MYH4: variants seen among roughly 807,000 people sequenced by gnomAD.
MYH4 encodes the protein myosin-4.
MYH4 carries 200 observed loss-of-function variants against 229.9 expected under a neutral mutation model. The observed-to-expected ratio is 0.87, with a 90% CI of 0.78 to 0.98. The LOEUF is 0.98. MYH4 is among the 50% of genes least tolerant of loss of function. The pLI is 0.00. For missense variants in MYH4, 2,148 were observed against 2,332.6 expected (o/e 0.92, Z 1.63); for synonymous variants, 761 against 834.6 (o/e 0.91, Z 1.52).
rs758574408 is a variant in MYH4, at chr17:10,462,918, C to T, written c.955G>A (p.Gly319Arg). 5.0e-6 allele frequency: 8 copies of T among 1,614,004 alleles called. No individual in the cohort carries two copies. The South Asian group carries it at 7.7e-5, about 16-fold the overall frequency. The change falls in exon 11 of 40, where the codon GGG becomes AGG. Residue 319 changes from glycine to arginine, a missense_variant. Physicochemically the swap from Gly to Arg is moderately radical, Grantham distance 125. Coordinates refer to ENST00000255381, the MANE Select transcript of MYH4 (RefSeq NM_017533.2). ...TCAATGCTGGGCACAGTAATTTCCCCTTGGCTGACAAATGCGAAGTCATAT... is the reference window on the plus strand; with the variant it reads ...TCAATGCTGGGCACAGTAATTTCCCTTTGGCTGACAAATGCGAAGTCATAT... ...NPYDFAFVSQGEITVPSIDDQ... is the reference protein window; with the variant it reads ...NPYDFAFVSQREITVPSIDDQ...
At chr17:10,456,826 C>T (rs1430306665) in intron 16 of MYH4, among the ~76,000 whole-genome samples, 4 of 152,110 alleles carry the variant, frequency 2.6e-5, no homozygotes, top group African/African-American at 9.7e-5. Flanking sequence ...CTCCCCTACT[C>T]CAAGTCAGCA....
chr17:10,455,885 A>G lies in MYH4; in HGVS notation c.1985T>C (p.Leu662Pro), dbSNP rs200538149. 1.2e-6 allele frequency: 2 copies of G among 1,614,130 alleles called. No individual in the cohort carries two copies. Among genetic ancestry groups the G allele is most frequent in the African/African-American group, 1.3e-5 (1 of 74,938 alleles). ...SALFRENLNK[L>P]MTNLRSTHPH... ...GTGAGTGCTCCTCAAGTTGGTCATC[A>G]GCTTATTCAAATTCTCCTGTGGAAC... is the stretch of plus-strand genomic sequence containing the variant. Residue 662 changes from leucine to proline, a missense_variant, in exon 18 of 40, where the codon CTG (leucine) becomes CCG (proline). Physicochemically the swap from Leu to Pro is moderately conservative, Grantham distance 98. Transcript: ENST00000255381.
Position 10,455,183 on chromosome 17 carries a change from C to G in MYH4, c.2287G>C (p.Gly763Arg). 1 of 1,614,016 alleles carries G rather than the reference C, an allele frequency of 6.2e-7. No individual in the cohort carries two copies. The highest frequency in any genetic ancestry group is 8.5e-7 in the Non-Finnish European group (1 of 1,179,980). ...TGGACTGGTGATACCTTGGTATGAC[C>G]GAATTTGTACTGGGTGTGGTCAATT... is the stretch of plus-strand genomic sequence containing the variant. ...IEIDHTQYKF[G>R]HTKVFFKAGL... The change falls in exon 20 of 40, where the codon GGT (glycine) becomes CGT (arginine). Residue 763 changes from glycine (G) to arginine (R), a missense_variant. Transcript: ENST00000255381.
At position 10,466,703 on chromosome 17, in the gene MYH4, G is replaced by A. The variant is rs1163250734; in HGVS notation, c.43C>T (p.Pro15Ser). 1 of 1,614,176 alleles carries A rather than the reference G, an allele frequency of 6.2e-7. No homozygotes were observed. The highest frequency in any genetic ancestry group is 1.1e-5 in the South Asian group (1 of 91,080). ...SEMAIFGEAA[P>S]FLRKSEKERI... Reference sequence around the variant, plus strand: ...TCCTTTTCAGACTTTCGGAGGAAAGGAGCAGCCTCCCCAAAAATGGCCATC... The same window carrying A: ...TCCTTTTCAGACTTTCGGAGGAAAGAAGCAGCCTCCCCAAAAATGGCCATC... The change falls in exon 3 of 40, where the codon CCT becomes TCT. Residue 15 changes from proline to serine, a missense_variant. Transcript: ENST00000255381.
At chr17:10,462,034 T>C (rs1483632108) in intron 11 of MYH4, among the ~76,000 whole-genome samples, 1 of 152,108 alleles carries the variant, frequency 6.6e-6, no homozygotes, top group Admixed American at 6.5e-5. Context: ...TAATAATAAG[T>C]TATAGAGAGT....
chr17:10,461,552 G>A (rs140199127), intron 11 of MYH4, among the ~76,000 whole-genome samples: 98 of 152,206 alleles, frequency 6.4e-4, no homozygotes, highest in African/African-American at 2.2e-3. Context: ...TGGAAAGAGG[G>A]TATGAGGAGA....
intron 9 of MYH4, 21 bp downstream of exon 9, chr17:10,463,317 C>G (rs778136086): frequency 1.3e-6 from 2 of 1,589,784 alleles, no homozygotes; most frequent in Non-Finnish European, 1.7e-6. Context: ...GATTCTCAAT[C>G]ACTAATATTT....
chr17:10,461,126 C>G, intron 11 of MYH4, 72 bp from the exon 12 acceptor site: 2 of 1,559,032 alleles, frequency 1.3e-6, no homozygotes, highest in Admixed American at 3.5e-5. Flanking sequence ...CCGGGGCTGT[C>G]TCCCACTTTT....
At position 10,448,679 on chromosome 17, in the gene MYH4, A is replaced by G; in HGVS notation, c.4470T>C (p.Asn1490=). The G allele has an allele frequency of 6.2e-7, 1 of 1,614,110 alleles. No homozygotes were observed. The highest frequency in any genetic ancestry group is 1.1e-5 in the South Asian group (1 of 91,082). ...SLSTELFKVK[N]AYEESLDHLE... ...GATGATCCAGGGATTCCTCGTAGGC[A>G]TTCTTCACCTTGAACAGCTCAGTGC... Residue 1490 remains asparagine (N), a synonymous_variant, in exon 32 of 40, where the codon AAT becomes AAC. Transcript: ENST00000255381.
chr17:10,466,739 A>T lies in MYH4; in HGVS notation c.7T>A (p.Ser3Thr), dbSNP rs770428124. 5 of 1,614,222 alleles carry T rather than the reference A, an allele frequency of 3.1e-6. No individual in the cohort carries two copies. The South Asian group carries it at 5.5e-5, about 18-fold the overall frequency. Residue 3 changes from serine to threonine, a missense_variant, in exon 3 of 40, where the codon TCT becomes ACT. By Grantham distance (58) the Ser-to-Thr change is moderately conservative. Transcript: ENST00000255381. ...CCAAAAATGGCCATCTCAGAGTCAGAACTCATGGCTGCAGGTTATTGATGG... is the reference window on the plus strand; with the variant it reads ...CCAAAAATGGCCATCTCAGAGTCAGTACTCATGGCTGCAGGTTATTGATGG... MS[S>T]DSEMAIFGEA...
chr17:10,458,384 A>T (rs565053211), intron 15 of MYH4, among the ~76,000 whole-genome samples: 7 of 152,306 alleles, frequency 4.6e-5, no homozygotes, highest in Admixed American at 3.9e-4. Context: ...AATAAAATAA[A>T]TGCCTTTTCT....
chr17:10,452,281 C>A lies in MYH4; in HGVS notation c.3398G>T (p.Arg1133Leu). Residue 1133 changes from arginine to leucine, a missense_variant, in exon 27 of 40, where the codon CGG (arginine) becomes CTG (leucine). Coordinates refer to ENST00000255381, the MANE Select transcript of MYH4 (RefSeq NM_017533.2). Reference sequence around the variant, plus strand: ...AGAGCGCTGCTTCTCTGCTTTGGCCCGGGAGGCCCGCTCTGCCTCGATTTC... The same window carrying A: ...AGAGCGCTGCTTCTCTGCTTTGGCCAGGGAGGCCCGCTCTGCCTCGATTTC... ...EEEIEAERAS[R>L]AKAEKQRSDL... 1.2e-6 allele frequency: 2 copies of A among 1,614,072 alleles called. No individual in the cohort carries two copies. The highest frequency in any genetic ancestry group is 1.1e-5 in the South Asian group (1 of 91,086).
chr17:10,462,733 A>C (rs1335850469), intron 11 of MYH4, 132 bp downstream of exon 11: 5 of 668,668 alleles, frequency 7.5e-6, no homozygotes, highest in Non-Finnish European at 1.2e-5. Flanking sequence ...ATTTTTTTCC[A>C]AAAGTAAGAA....
Position 10,445,153 on chromosome 17 carries a change from A to G in MYH4, c.5296-7T>C, listed in dbSNP as rs781349080. The G allele has an allele frequency of 1.2e-5, 19 of 1,614,036 alleles. No homozygotes were observed. The highest frequency in any genetic ancestry group is 1.6e-5 in the Non-Finnish European group (19 of 1,180,030). ...CCTCAGCCATCATGGCAGCCTAGTT[A>G]GCAAATAAATTTTGAAAATAATGAA... is the stretch of plus-strand genomic sequence containing the variant. On this transcript the variant is annotated splice_region_variant and splice_polypyrimidine_tract_variant and intron_variant, in intron 36 of 39. Coordinates refer to ENST00000255381, the MANE Select transcript of MYH4 (RefSeq NM_017533.2).
Position 10,455,815 on chromosome 17 carries a change from A to G in MYH4, c.2055T>C (p.Pro685=). 3 of 1,614,180 alleles carry G rather than the reference A, an allele frequency of 1.9e-6. No individual in the cohort carries two copies. Among genetic ancestry groups the G allele is most frequent in the African/African-American group, 2.7e-5 (2 of 75,042 alleles). ...GTCTGGATATCAGAAATGTCTTACC[A>G]GGAGTTTTAGTTTCATTGGGGATGA... ...RCIIPNETKT[P]GAMEHELVLH... is the part of the protein sequence containing the mutation. The change falls in exon 18 of 40, where the codon CCT becomes CCC. Residue 685 remains proline (P), a splice_region_variant and synonymous_variant. Coordinates refer to ENST00000255381, the MANE Select transcript of MYH4 (RefSeq NM_017533.2).
At position 10,463,603 on chromosome 17, in the gene MYH4, A is replaced by G. The variant is rs747163042; in HGVS notation, c.689T>C (p.Leu230Pro). The G allele has an allele frequency of 9.9e-6, 16 of 1,613,746 alleles. No individual in the cohort carries two copies. Among genetic ancestry groups the G allele is most frequent in the Non-Finnish European group, 1.7e-6 (2 of 1,179,800 alleles). Residue 230 changes from leucine to proline, a missense_variant, in exon 8 of 40, where the codon CTG becomes CCG. Leu to Pro is a moderately conservative substitution (Grantham distance 98, BLOSUM62 -3). Coordinates refer to ENST00000255381, the MANE Select transcript of MYH4 (RefSeq NM_017533.2). Reference protein sequence around the residue: ...EDQIISANPLLEAFGNAKTVR... With the variant: ...EDQIISANPLPEAFGNAKTVR... ...GGTCTTGGCATTGCCGAAGGCTTCC[A>G]GTAGGGGGTTAGCACTGATGATTTG...
chr17:10,449,631 T>G (rs112904181), intron 30 of MYH4, among the ~76,000 whole-genome samples: 1,766 of 152,318 alleles, frequency 0.012, 25 homozygotes, highest in Middle Eastern at 0.024. Flanking sequence ...ATGAGGAAAC[T>G]GCGGCCCAGA....
Position 10,448,125 on chromosome 17 carries a change from GC to G in MYH4, c.4657del (p.Ala1553HisfsTer17), listed in dbSNP as rs1187676019. On this transcript the variant is annotated frameshift_variant and splice_region_variant, in exon 34 of 40. Coordinates refer to ENST00000255381, the MANE Select transcript of MYH4 (RefSeq NM_017533.2). LOFTEE classifies it high-confidence loss of function. ...TTTGCCTTCTTCATGCTCAAGAGAT[GC>G]CTTAATAAAAGCAACATTTATTTAG... Reference protein sequence around the residue: ...ELQTSLEEAEASLEHEEGKIL... With the variant: ...ELQTSLEEAEXSLEHEEGKIL... The G allele has an allele frequency of 2.5e-6, 4 of 1,602,838 alleles. No homozygotes were observed. In the Admixed American group the frequency reaches 6.9e-5, roughly 28 times the overall value.
chr17:10,450,850 T>C lies in MYH4; in HGVS notation c.3911A>G (p.Gln1304Arg). The change falls in exon 29 of 40, where the codon CAG becomes CGG. Residue 1304 changes from glutamine to arginine, a missense_variant. Gln to Arg is a conservative substitution (Grantham distance 43). Transcript: ENST00000255381. The stretch of plus-strand genomic sequence containing the variant: ...AAATGCTTGTTTGCCTCGGGATAGC[T>C]GAGAAACCATAGCATCTTTTTCATC... ...QLDEKDAMVS[Q>R]LSRGKQAFTQ... 1.1e-5 allele frequency: 17 copies of C among 1,614,136 alleles called. No individual in the cohort carries two copies. The highest frequency in any genetic ancestry group is 1.7e-5 in the Admixed American group (1 of 60,022).
Sources: gnomAD v4.1 joint callset for allele counts (sites outside exome capture counted in the v4.1 genomes callset) on GRCh38, gnomAD v4.1.1 for gene constraint, MANE v1.5 for transcripts, NCBI Gene and HGNC (gene_info 2026-07-23, HGNC 2026-07-21) for gene names.